The following SYN3 variants were observed in gnomAD, a reference collection of about 807,000 sequenced individuals.
SYN3 encodes synapsin-3.
In SYN3, 35 loss-of-function variants were observed where a neutral mutation model predicts 65.8. The ratio of observed to expected loss-of-function variants is 0.53; its 90% CI spans 0.41 to 0.70. SYN3 has a LOEUF of 0.70. Ranked by LOEUF, SYN3 falls within the 30% of genes least tolerant of loss-of-function variation. The pLI is 0.00. For missense variants in SYN3, 680 were observed against 749.0 expected (o/e 0.91, Z 1.08); for synonymous variants, 270 against 292.9 (o/e 0.92, Z 0.80).
chr22:32,681,034 A>G (rs2060515238), intron 6 of SYN3, among the ~76,000 whole-genome samples: 1 of 152,094 alleles, frequency 6.6e-6, no homozygotes, highest in Non-Finnish European at 1.5e-5. Flanking sequence ...TGTTTCACAT[A>G]TCACTTGCCA....
intron 6 of SYN3, among the ~76,000 whole-genome samples, chr22:32,771,705 CATT>C (rs2045776178): frequency 6.6e-6 from 1 of 152,160 alleles, no homozygotes; most frequent in Admixed American, 6.5e-5. Flanking sequence ...GAACAATGCC[CATT>C]ATTCATTTTC....
intron 13 of SYN3, among the ~76,000 whole-genome samples, chr22:32,516,913 T>C (rs1030528878): frequency 3.9e-5 from 6 of 152,190 alleles, no homozygotes; most frequent in African/African-American, 1.2e-4. Context: ...GCTTGGCACA[T>C]AGTAAGTGGA....
intron 6 of SYN3, among the ~76,000 whole-genome samples, chr22:32,749,223 C>T (rs1397651101): frequency 6.6e-6 from 1 of 152,010 alleles, no homozygotes; most frequent in Non-Finnish European, 1.5e-5. Context: ...GGGGATCTTT[C>T]TGGGGTCTTT....
intron 6 of SYN3, among the ~76,000 whole-genome samples, chr22:32,637,902 G>C (rs2059841363): frequency 6.6e-6 from 1 of 152,086 alleles, no homozygotes; most frequent in Admixed American, 6.5e-5. Context: ...GCCTCCCAAA[G>C]TGCTAGGATT....
intron 6 of SYN3, among the ~76,000 whole-genome samples, chr22:32,653,495 C>G (rs1420840928): frequency 6.6e-6 from 1 of 152,118 alleles, no homozygotes; most frequent in Non-Finnish European, 1.5e-5. Flanking sequence ...GAAAAAAATG[C>G]TAGGGCTTCA....
chr22:32,805,026 C>CGT (rs34429869), intron 6 of SYN3, among the ~76,000 whole-genome samples: 4 of 151,714 alleles, frequency 2.6e-5, no homozygotes, highest in South Asian at 2.1e-4. Context: ...TGCGTGTGTG[C>CGT]GTGTGTGTGT....
chr22:32,777,066 C>A (rs2045924664), intron 6 of SYN3, among the ~76,000 whole-genome samples: 1 of 152,180 alleles, frequency 6.6e-6, no homozygotes, highest in South Asian at 2.1e-4. Context: ...AGCACCTCCT[C>A]CCGACCTGCC....
At chr22:33,013,617 A>G (rs554419203) in intron 1 of SYN3, among the ~76,000 whole-genome samples, 1 of 152,316 alleles carries the variant, frequency 6.6e-6, no homozygotes, top group South Asian at 2.1e-4. Context: ...ATTATTTATA[A>G]TGCATTATAG....
intron 2 of SYN3, among the ~76,000 whole-genome samples, chr22:32,984,161 C>CAAAAAAAAAAAAAAAAAAAAAAAAAAA (rs35678412): frequency 1.1e-5 from 1 of 93,014 alleles, no homozygotes; most frequent in African/African-American, 4.2e-5. Flanking sequence ...AAACTCCATC[C>CAAAAAAAAAAAAAAAAAAAAAAAAAAA]AAAAAAAAAA....
intron 6 of SYN3, among the ~76,000 whole-genome samples, chr22:32,613,819 T>C (rs901835532): frequency 3.9e-5 from 6 of 152,224 alleles, no homozygotes; most frequent in Non-Finnish European, 7.3e-5. Context: ...GGTGTCTTTG[T>C]TGTTTTTCAG....
intron 6 of SYN3, among the ~76,000 whole-genome samples, chr22:32,663,931 T>TC (rs1299236665): frequency 3.3e-4 from 45 of 135,484 alleles, no homozygotes; most frequent in South Asian, 2.2e-3. Context: ...TTAACAGCAT[T>TC]CCCCCCCCAC....
At chr22:32,578,650 A>G (rs1320816646) in intron 7 of SYN3, among the ~76,000 whole-genome samples, 3 of 152,260 alleles carry the variant, frequency 2.0e-5, no homozygotes, top group Non-Finnish European at 4.4e-5. Context: ...AGAACTGAAG[A>G]TATCACAATT....
intron 1 of SYN3, among the ~76,000 whole-genome samples, chr22:33,033,519 C>T (rs1250133122): frequency 6.6e-6 from 1 of 152,104 alleles, no homozygotes; most frequent in East Asian, 1.9e-4. Context: ...TTCTGTTTAG[C>T]CAGAGGGCTT....
chr22:32,646,380 T>C (rs1036544532), intron 6 of SYN3, among the ~76,000 whole-genome samples: 1 of 152,180 alleles, frequency 6.6e-6, no homozygotes, highest in Non-Finnish European at 1.5e-5. Context: ...GTGCTTAAAA[T>C]AGAAAATGAA....
intron 3 of SYN3, among the ~76,000 whole-genome samples, chr22:32,976,634 C>CT (rs1430418230): frequency 6.6e-6 from 1 of 152,146 alleles, no homozygotes; most frequent in Non-Finnish European, 1.5e-5. Context: ...TCAGACCCTA[C>CT]TAGGATACTG....
At chr22:32,529,162 G>T in intron 10 of SYN3, 154 bp from the exon 11 acceptor site, 1 of 879,332 alleles carries the variant, frequency 1.1e-6, no homozygotes. Flanking sequence ...GGGACTGGCC[G>T]GCAGCGACAT....
chr22:32,671,590 C>T (rs1332914437), intron 6 of SYN3, among the ~76,000 whole-genome samples: 5 of 150,908 alleles, frequency 3.3e-5, no homozygotes, highest in South Asian at 2.1e-4. Context: ...CACACACACA[C>T]GCTGTCATAC....
At chr22:32,903,057 A>T (rs997235282) in intron 4 of SYN3, among the ~76,000 whole-genome samples, 1 of 152,190 alleles carries the variant, frequency 6.6e-6, no homozygotes, top group African/African-American at 2.4e-5. Context: ...TTTCGAGTAC[A>T]GAGAAATGAT....
chr22:32,810,057 C>A (rs967318799), intron 6 of SYN3, among the ~76,000 whole-genome samples: 3 of 152,192 alleles, frequency 2.0e-5, no homozygotes, highest in Non-Finnish European at 4.4e-5. Context: ...CAGATATTTT[C>A]CTATGTTCAT....
Sources: allele counts gnomAD v4.1 joint callset (sites outside exome capture counted in the v4.1 genomes callset), GRCh38; gene constraint gnomAD v4.1.1; transcripts MANE v1.5; gene names NCBI Gene and HGNC (gene_info 2026-07-23, HGNC 2026-07-21).